XXYLT1: variants seen among roughly 807,000 people sequenced by gnomAD.
The protein encoded by XXYLT1 is UDP-xylose:alpha-xyloside alpha-1,3-xylosyltransferase.
XXYLT1 carries 20 observed loss-of-function variants against 28.9 expected under a neutral mutation model. The observed-to-expected ratio is 0.69, with a 90% CI of 0.49 to 1.00. The LOEUF (loss-of-function observed/expected upper bound fraction) is 1.00. XXYLT1 is among the 50% of genes least tolerant of loss of function. The pLI is 0.00. For missense variants in XXYLT1, 542 were observed against 560.1 expected, an observed-to-expected ratio of 0.97 and a Z score of 0.33; for synonymous variants, 257 against 253.8, an observed-to-expected ratio of 1.01 and a Z score of -0.12.
chr3:195,201,917 AC>A (rs1322637831), intron 2 of XXYLT1, among the ~76,000 whole-genome samples: 2 of 152,230 alleles, frequency 1.3e-5, no homozygotes, highest in African/African-American at 4.8e-5. Context: ...GGTGGCTCAC[AC>A]CTGTAATCTC....
intron 2 of XXYLT1, among the ~76,000 whole-genome samples, chr3:195,161,445 C>G (rs1720865161): frequency 6.6e-6 from 1 of 152,110 alleles, no homozygotes. Flanking sequence ...TGTGCAGTGG[C>G]TGGGGCTTCA....
chr3:195,244,845 TGTCTC>T (rs1724942793), intron 1 of XXYLT1, among the ~76,000 whole-genome samples: 1 of 132,210 alleles, frequency 7.6e-6, no homozygotes, highest in African/African-American at 2.8e-5. Context: ...CATGAGACTC[TGTCTC>T]AAAAAAAAAA....
intron 3 of XXYLT1, among the ~76,000 whole-genome samples, chr3:195,102,654 C>G (rs1716856326): frequency 6.6e-6 from 1 of 151,264 alleles, no homozygotes; most frequent in Non-Finnish European, 1.5e-5. Context: ...GAGTAATATT[C>G]CGTTTTGTGT....
In XXYLT1 at chr3:195,089,098, C is replaced by A. The variant is rs1446522330; in HGVS notation, c.786-18987G>T. Among the ~76,000 whole-genome samples the A allele has an allele frequency of 2.1e-3, 322 of 150,738 alleles. 2 individuals are homozygous for A. The highest frequency in any genetic ancestry group is 0.017 in the Middle Eastern group (5 of 286). Reference sequence around the variant, plus strand: ...GAGAATGGAACCAAGTTGGAAAACACTCTGCAGGATATTATCCAGGAGAAC... The same window carrying A: ...GAGAATGGAACCAAGTTGGAAAACAATCTGCAGGATATTATCCAGGAGAAC... On this transcript the variant is annotated intron_variant, in intron 3 of 3. Transcript: ENST00000310380.
At chr3:195,254,767 T>C (rs984569299) in intron 1 of XXYLT1, among the ~76,000 whole-genome samples, 4 of 152,232 alleles carry the variant, frequency 2.6e-5, no homozygotes, top group African/African-American at 9.6e-5. Flanking sequence ...AGGGTCCACC[T>C]AGCACGCGTC....
intron 1 of XXYLT1, among the ~76,000 whole-genome samples, chr3:195,260,755 C>CCCCT (rs1469754181): frequency 1.3e-5 from 2 of 152,224 alleles, no homozygotes; most frequent in African/African-American, 4.8e-5. Context: ...TTAGTCACTG[C>CCCCT]CCCTTTCTGG....
At chr3:195,241,316 A>G (rs1383452165) in intron 1 of XXYLT1, among the ~76,000 whole-genome samples, 1 of 152,182 alleles carries the variant, frequency 6.6e-6, no homozygotes, top group Non-Finnish European at 1.5e-5. Flanking sequence ...ACAGGATTTA[A>G]ATTAGGGCAC....
chr3:195,235,383 G>T (rs1724490793), intron 1 of XXYLT1, among the ~76,000 whole-genome samples: 1 of 152,094 alleles, frequency 6.6e-6, no homozygotes, highest in African/African-American at 2.4e-5. Flanking sequence ...CAATTTGTTT[G>T]TTAAATTTAT....
chr3:195,231,863 GTGTC>G (rs1254819792), intron 1 of XXYLT1, among the ~76,000 whole-genome samples: 2 of 151,796 alleles, frequency 1.3e-5, no homozygotes, highest in African/African-American at 4.8e-5. Flanking sequence ...TTTTACTGAT[GTGTC>G]TGTCTGGTTT....
Position 195,076,348 on chromosome 3 carries a change from CA to C in XXYLT1, c.786-6238del, listed in dbSNP as rs1715118576. Among the ~76,000 whole-genome samples, 1 of 148,986 alleles carries C rather than the reference CA, an allele frequency of 6.7e-6. No homozygotes were observed. ...CACGGGGTCACGGGGCCGACTGCGG[CA>C]CAGACATTGGAACTCGACCGCGCGT... On this transcript the variant is annotated intron_variant, in intron 3 of 3. Transcript: ENST00000310380. The surrounding 1 kb of genome is among the most constrained non-coding windows in gnomAD (Gnocchi z 5.3).
chr3:195,164,234 G>A (rs1378559444), intron 2 of XXYLT1, among the ~76,000 whole-genome samples: 2 of 152,258 alleles, frequency 1.3e-5, no homozygotes, highest in Admixed American at 6.5e-5. Flanking sequence ...ATGGTCACTA[G>A]TGGCAAGATG....
At chr3:195,121,801 T>G (rs1479222360) in intron 3 of XXYLT1, among the ~76,000 whole-genome samples, 1 of 152,216 alleles carries the variant, frequency 6.6e-6, no homozygotes, top group African/African-American at 2.4e-5. Flanking sequence ...ACTGGCCCTG[T>G]GACCTGGGCA....
intron 3 of XXYLT1, among the ~76,000 whole-genome samples, chr3:195,092,664 A>C (rs879941338): frequency 0.029 from 2,988 of 101,592 alleles, 23 homozygotes; most frequent in East Asian, 0.086. Flanking sequence ...GCAACAAAAG[A>C]CAAAATTGAC....
At chr3:195,120,711 C>T (rs115649104) in intron 3 of XXYLT1, among the ~76,000 whole-genome samples, 34 of 152,356 alleles carry the variant, frequency 2.2e-4, no homozygotes, top group Non-Finnish European at 4.0e-4. Context: ...ATTCAGGATT[C>T]AGAGTCAGGA....
At chr3:195,123,841 G>A (rs1236506413) in intron 3 of XXYLT1, among the ~76,000 whole-genome samples, 4 of 152,152 alleles carry the variant, frequency 2.6e-5, no homozygotes, top group African/African-American at 7.2e-5. Context: ...CCCCGCCCAG[G>A]ACATCACCAG....
intron 3 of XXYLT1, among the ~76,000 whole-genome samples, chr3:195,112,124 C>T (rs1717751856): frequency 6.6e-6 from 1 of 152,180 alleles, no homozygotes; most frequent in East Asian, 1.9e-4. Flanking sequence ...TATAATTATT[C>T]TTAAAACCCA....
At chr3:195,128,629 G>A (rs1718754967) in intron 3 of XXYLT1, among the ~76,000 whole-genome samples, 1 of 152,044 alleles carries the variant, frequency 6.6e-6, no homozygotes, top group South Asian at 2.1e-4. Context: ...GTAGCTCCCT[G>A]GACCTAAAAT....
rs1274382492 is a variant in XXYLT1, at chr3:195,110,748, TGTG to T, written c.786-40640_786-40638del. Among the ~76,000 whole-genome samples, 7 of 123,116 alleles carry T rather than the reference TGTG, an allele frequency of 5.7e-5. No homozygotes were observed. In the East Asian group the frequency reaches 1.3e-3, roughly 23 times the overall value. 80.8% of individuals were successfully genotyped at this position (123,116 alleles called of 152,430 possible). On this transcript the variant is annotated intron_variant, in intron 3 of 3. Transcript: ENST00000310380. ...TGTGTGTGCTGTATGTGTGCATGTG[TGTG>T]GTGTATAAGTGTGTGTGGTGTGTGT... is the stretch of plus-strand genomic sequence containing the variant.
intron 3 of XXYLT1, among the ~76,000 whole-genome samples, chr3:195,123,993 A>G (rs945940474): frequency 6.6e-6 from 1 of 152,254 alleles, no homozygotes; most frequent in African/African-American, 2.4e-5. Flanking sequence ...AACGCTCAAC[A>G]AAGCTAGACA....
Sources: gnomAD v4.1 joint callset for allele counts (sites outside exome capture counted in the v4.1 genomes callset) on GRCh38, gnomAD v4.1.1 for gene constraint, Gnocchi (gnomAD v3.1) non-coding constraint, MANE v1.5 for transcripts, NCBI Gene and HGNC (gene_info 2026-07-23, HGNC 2026-07-21) for gene names.